Variants in TMEM132D observed in about 807,000 individuals in gnomAD.
The protein encoded by TMEM132D is transmembrane protein 132D.
A neutral mutation model predicts 62.3 loss-of-function variants in TMEM132D; 21 were observed. That is an observed-to-expected ratio of 0.34 (90% CI 0.24 to 0.49). TMEM132D has a LOEUF of 0.49. TMEM132D is among the 20% of genes least tolerant of loss of function. The probability of loss-of-function intolerance (pLI) is 0.99; values close to 1 mark genes in which losing one functional copy is unlikely to be tolerated. For synonymous variants in TMEM132D, 621 were observed against 575.6 expected, an observed-to-expected ratio of 1.08 and a Z score of -1.13; for missense variants, 1,346 against 1,402.8, an observed-to-expected ratio of 0.96 and a Z score of 0.65.
intron 1 of TMEM132D, among the ~76,000 whole-genome samples, chr12:129,738,736 A>G (rs1869506641): frequency 1.3e-5 from 2 of 152,218 alleles, no homozygotes; most frequent in Non-Finnish European, 2.9e-5. Context: ...GGCCCAGGAC[A>G]GAAGCAAATA....
At chr12:129,144,308 C>CT (rs1565977551) in intron 5 of TMEM132D, among the ~76,000 whole-genome samples, 1 of 152,112 alleles carries the variant, frequency 6.6e-6, no homozygotes. Context: ...TATCCAGACC[C>CT]TTGTGCATTT....
At chr12:129,363,646 T>C (rs1870319821) in intron 3 of TMEM132D, among the ~76,000 whole-genome samples, 1 of 152,196 alleles carries the variant, frequency 6.6e-6, no homozygotes, top group South Asian at 2.1e-4. Context: ...AGCTGTTAAA[T>C]TCCCAAGTGA....
chr12:129,118,933 A>T (rs112289546), intron 5 of TMEM132D, among the ~76,000 whole-genome samples: 318 of 152,334 alleles, frequency 2.1e-3, no homozygotes, highest in African/African-American at 7.0e-3. Context: ...TCTCCAACAG[A>T]GGGCCTTCTA....
Position 129,155,049 on chromosome 12 carries a change from G to A in TMEM132D, c.1443+54471C>T, listed in dbSNP as rs146700147. On this transcript the variant is annotated intron_variant, in intron 5 of 8. Transcript: ENST00000422113. ...GCCAGCATTTCTGTTTCATAGATGT[G>A]CTGTGCACAAACGAGAGATGCTTGG... Among the ~76,000 whole-genome samples, 766 of 152,322 alleles carry A rather than the reference G, an allele frequency of 5.0e-3. 7 individuals carry two copies. Among genetic ancestry groups the A allele is most frequent in the African/African-American group, 0.017 (690 of 41,572 alleles).
At chr12:129,877,378 G>A (rs1874450706) in intron 1 of TMEM132D, among the ~76,000 whole-genome samples, 1 of 152,014 alleles carries the variant, frequency 6.6e-6, no homozygotes, top group Non-Finnish European at 1.5e-5. Context: ...GTCAGACCAA[G>A]AATCCACCTG....
chr12:129,883,655 T>C (rs1755862029), intron 1 of TMEM132D, among the ~76,000 whole-genome samples: 1 of 152,210 alleles, frequency 6.6e-6, no homozygotes, highest in African/African-American at 2.4e-5. Context: ...AGATGTCTTC[T>C]AAAGAAAATT....
intron 1 of TMEM132D, among the ~76,000 whole-genome samples, chr12:129,737,058 C>T (rs11612376): frequency 0.29 from 44,772 of 151,952 alleles, 6,772 homozygotes; most frequent in East Asian, 0.39. Context: ...CCTCATGATC[C>T]GCCTGCCTCA....
In TMEM132D at chr12:129,715,753, A is replaced by G. The variant is rs1011138719; in HGVS notation, c.80-15055T>C. 2.6e-5 allele frequency among the ~76,000 whole-genome samples: 4 copies of G among 152,236 alleles called. No homozygotes were observed. The East Asian group carries it at 7.7e-4, about 29-fold the overall frequency. On this transcript the variant is annotated intron_variant, in intron 1 of 8. Transcript: ENST00000422113. ...ACATATGCTTATTTACATCTATATG[A>G]GATTCATGATTTTACCTTTTTGTGA...
At chr12:129,795,208 C>T (rs1377897608) in intron 1 of TMEM132D, among the ~76,000 whole-genome samples, 1 of 152,200 alleles carries the variant, frequency 6.6e-6, no homozygotes, top group Non-Finnish European at 1.5e-5. Flanking sequence ...TCTTTTCTTA[C>T]ATCACTGCAT....
chr12:129,658,292 C>G (rs978390106), intron 2 of TMEM132D, among the ~76,000 whole-genome samples: 14 of 152,100 alleles, frequency 9.2e-5, no homozygotes, highest in Non-Finnish European at 1.8e-4. Flanking sequence ...GATAAAGTAA[C>G]CTAGAAATGT....
intron 1 of TMEM132D, among the ~76,000 whole-genome samples, chr12:129,725,228 G>A (rs2398476): frequency 0.82 from 124,130 of 152,096 alleles, 51,344 homozygotes; most frequent in Non-Finnish European, 0.9. Flanking sequence ...TAAGCTCATT[G>A]CAGTTAAAAA....
rs369243355 is a variant in TMEM132D, at chr12:129,830,356, A to G, written c.79+72905T>C. 2.6e-4 allele frequency among the ~76,000 whole-genome samples: 39 copies of G among 152,282 alleles called. 1 individual carries two copies. The highest frequency in any genetic ancestry group is 8.7e-4 in the African/African-American group (36 of 41,570). ...GCCCTCAAAATCACTAAAAGCTAAA[A>G]GGAAAATTCATGCTGAGAACTGCCC... On this transcript the variant is annotated intron_variant, in intron 1 of 8. Coordinates refer to ENST00000422113, the MANE Select transcript of TMEM132D (RefSeq NM_133448.3).
Position 129,335,495 on chromosome 12 carries a change from G to A in TMEM132D, c.1299+2139C>T, listed in dbSNP as rs146079440. Reference sequence around the variant, plus strand: ...AACTTTATAAGTAGGTATTATCCCTGTAACTCCCTCTACAGATGAGGAAAT... The same window carrying A: ...AACTTTATAAGTAGGTATTATCCCTATAACTCCCTCTACAGATGAGGAAAT... On this transcript the variant is annotated intron_variant, in intron 4 of 8. Coordinates refer to ENST00000422113, the MANE Select transcript of TMEM132D (RefSeq NM_133448.3). Among the ~76,000 whole-genome samples the A allele has an allele frequency of 6.5e-3, 993 of 152,236 alleles. 12 individuals carry two copies. Among genetic ancestry groups the A allele is most frequent in the African/African-American group, 0.023 (960 of 41,528 alleles).
chr12:129,681,906 G>T (rs974004377), intron 2 of TMEM132D, among the ~76,000 whole-genome samples: 1 of 152,140 alleles, frequency 6.6e-6, no homozygotes, highest in Non-Finnish European at 1.5e-5. Context: ...AGTCTTTGTT[G>T]ATGCTAATGT....
At chr12:129,280,629 A>G (rs1246632433) in intron 4 of TMEM132D, among the ~76,000 whole-genome samples, 1 of 152,158 alleles carries the variant, frequency 6.6e-6, no homozygotes, top group African/African-American at 2.4e-5. Flanking sequence ...TAGTGACTGC[A>G]TATTTTGGGA....
At chr12:129,895,604 C>T (rs755909048) in intron 1 of TMEM132D, among the ~76,000 whole-genome samples, 26 of 152,178 alleles carry the variant, frequency 1.7e-4, no homozygotes, top group Non-Finnish European at 3.5e-4. Flanking sequence ...GAGCCATGCT[C>T]GGGCATGCTG....
chr12:129,819,205 A>C (rs1872468048), intron 1 of TMEM132D, among the ~76,000 whole-genome samples: 1 of 151,984 alleles, frequency 6.6e-6, no homozygotes, highest in African/African-American at 2.4e-5. Context: ...AAGATAGTGA[A>C]ATTTGTTCAT....
intron 1 of TMEM132D, among the ~76,000 whole-genome samples, chr12:129,846,633 T>C (rs1873370860): frequency 6.6e-6 from 1 of 152,210 alleles, no homozygotes; most frequent in Non-Finnish European, 1.5e-5. Flanking sequence ...TGGCTTGATG[T>C]TGCTCACTAG....
At chr12:129,877,933 T>G (rs1301847104) in intron 1 of TMEM132D, among the ~76,000 whole-genome samples, 1 of 152,228 alleles carries the variant, frequency 6.6e-6, no homozygotes, top group African/African-American at 2.4e-5. Context: ...AATTTTGCCC[T>G]GAGAACTGAG....
Sources: allele counts gnomAD v4.1 joint callset (sites outside exome capture counted in the v4.1 genomes callset), GRCh38; gene constraint gnomAD v4.1.1; transcripts MANE v1.5; gene names NCBI Gene and HGNC (gene_info 2026-07-23, HGNC 2026-07-21).